Variants in GALNT2 observed in about 807,000 individuals in gnomAD.
The protein encoded by GALNT2 is UDP-GalNAc:polypeptide N-acetylgalactosaminyltransferase 2.
Under a neutral mutation model 81.4 loss-of-function variants are expected in GALNT2, and 31 were observed. That is an observed-to-expected ratio of 0.38 (90% confidence interval 0.29 to 0.51). The LOEUF (loss-of-function observed/expected upper bound fraction) is 0.51, where lower values mean the gene tolerates loss of function less well. GALNT2 is among the 20% of genes least tolerant of loss of function. GALNT2 has a pLI of 0.87. For synonymous variants in GALNT2, 303 were observed against 287.4 expected (o/e 1.05, Z -0.55); for missense variants, 629 against 765.7 (o/e 0.82, Z 2.11).
Position 230,076,608 on chromosome 1 carries a change from A to G in GALNT2, c.126+9202A>G, listed in dbSNP as rs138145298. ...TTGGGGACAGTAAAATGGAGATGTGACTTCATGGCCAATCTCAGGGAGGCG... is the reference window on the plus strand; with the variant it reads ...TTGGGGACAGTAAAATGGAGATGTGGCTTCATGGCCAATCTCAGGGAGGCG... On this transcript the variant is annotated intron_variant, in intron 1 of 15. Coordinates refer to ENST00000366672, the MANE Select transcript of GALNT2 (RefSeq NM_004481.5). Among the ~76,000 whole-genome samples the G allele has an allele frequency of 5.1e-3, 778 of 152,212 alleles. 11 individuals carry two copies. Among genetic ancestry groups the G allele is most frequent in the African/African-American group, 0.018 (731 of 41,508 alleles).
chr1:230,142,389 C>G (rs1661772889), intron 1 of GALNT2, among the ~76,000 whole-genome samples: 1 of 152,096 alleles, frequency 6.6e-6, no homozygotes, highest in Non-Finnish European at 1.5e-5. Flanking sequence ...CTCACTGTGC[C>G]CCCCATGCTC....
At chr1:230,192,953 C>T (rs1354929606) in intron 2 of GALNT2, among the ~76,000 whole-genome samples, 1 of 152,148 alleles carries the variant, frequency 6.6e-6, no homozygotes, top group South Asian at 2.1e-4. Flanking sequence ...TGTTTGTAAT[C>T]CTGGCCTTGT....
At position 230,178,130 on chromosome 1, in the gene GALNT2, C is replaced by T. The variant is rs547872017; in HGVS notation, c.127-88C>T. The T allele has an allele frequency of 7.7e-4, 791 of 1,029,122 alleles. 6 individuals carry two copies. In the South Asian group the frequency reaches 7.9e-3, roughly 10 times the overall value. The allele number at this position is 1,029,122 out of a possible 1,614,324, so 63.7% of individuals were successfully genotyped here. A position where few individuals can be genotyped will look rare whatever the true frequency, so the allele number is the denominator to read the frequency against. On this transcript the variant is annotated intron_variant, in intron 1 of 15. Transcript: ENST00000366672. The stretch of plus-strand genomic sequence containing the variant: ...GTGCATCCCCAGGGCCAAGTGTTAA[C>T]TCTCCTAAGACTCGGTATGTATTGA...
Position 230,280,182 on chromosome 1 carries a change from G to T in GALNT2, c.*724G>T. On this transcript the variant is annotated 3_prime_UTR_variant, in exon 16 of 16. Coordinates refer to ENST00000366672, the MANE Select transcript of GALNT2 (RefSeq NM_004481.5). ...GGGAGAAGGGGCCAGAGCCCGGTGG[G>T]GCCAGTTTCTCACAGAGGGAGGAGG... 2.8e-6 allele frequency: 1 copy of T among 361,528 alleles called. No homozygotes were observed. Among genetic ancestry groups the T allele is most frequent in the South Asian group, 2.1e-5 (1 of 47,080 alleles). The allele number at this position is 361,528 out of a possible 1,614,324, so 22.4% of individuals were successfully genotyped here. A position where few individuals can be genotyped will look rare whatever the true frequency, so the allele number is the denominator to read the frequency against.
At chr1:230,114,931 A>C (rs1660801798) in intron 1 of GALNT2, among the ~76,000 whole-genome samples, 1 of 151,652 alleles carries the variant, frequency 6.6e-6, no homozygotes. Context: ...TTCCCTTCGC[A>C]AGAGTTATAG....
intron 3 of GALNT2, among the ~76,000 whole-genome samples, chr1:230,233,561 C>T (rs963600694): frequency 1.3e-5 from 2 of 152,012 alleles, no homozygotes; most frequent in South Asian, 2.1e-4. Context: ...TGCAATGATC[C>T]GAGATTGTGC....
In GALNT2 at chr1:230,280,195, C is replaced by T; in HGVS notation, c.*737C>T. 1 of 359,218 alleles carries T rather than the reference C, an allele frequency of 2.8e-6. No homozygotes were observed. The highest frequency in any genetic ancestry group is 3.5e-5 in the Admixed American group (1 of 28,666). 22.3% of individuals were successfully genotyped at this position (359,218 alleles called of 1,614,324 possible). On this transcript the variant is annotated 3_prime_UTR_variant, in exon 16 of 16. Transcript: ENST00000366672. ...AGAGCCCGGTGGGGCCAGTTTCTCACAGAGGGAGGAGGTGGCCTTTGTCCC... is the reference window on the plus strand; with the variant it reads ...AGAGCCCGGTGGGGCCAGTTTCTCATAGAGGGAGGAGGTGGCCTTTGTCCC...
chr1:230,169,831 T>G (rs1662736031), intron 1 of GALNT2, among the ~76,000 whole-genome samples: 1 of 152,216 alleles, frequency 6.6e-6, no homozygotes, highest in Admixed American at 6.5e-5. Context: ...ATAAAGCAGT[T>G]TGTGACTTTG....
At chr1:230,274,940 C>CAT (rs1238392680) in intron 15 of GALNT2, among the ~76,000 whole-genome samples, 1 of 149,564 alleles carries the variant, frequency 6.7e-6, no homozygotes. Flanking sequence ...TATATGTGAG[C>CAT]ATATATATAC....
chr1:230,140,262 A>G (rs1223323192), intron 1 of GALNT2, among the ~76,000 whole-genome samples: 1 of 152,114 alleles, frequency 6.6e-6, no homozygotes, highest in East Asian at 1.9e-4. Flanking sequence ...GTTTGGAGAC[A>G]GGTGATGGTT....
chr1:230,166,322 C>T (rs1295199869), intron 1 of GALNT2, among the ~76,000 whole-genome samples: 2 of 152,206 alleles, frequency 1.3e-5, no homozygotes, highest in East Asian at 3.8e-4. Context: ...TCAGGCACTC[C>T]TCCCCGCAGC....
rs558151377 is a variant in GALNT2, at chr1:230,246,570, G to T, written c.817+420G>T. On this transcript the variant is annotated intron_variant, in intron 8 of 15. Transcript: ENST00000366672. The stretch of plus-strand genomic sequence containing the variant: ...ACCCTGGCTATTTCTCTGACAGCCT[G>T]GTCTCTTTCTGGTTGCTCAGATGGA... 2.6e-5 allele frequency among the ~76,000 whole-genome samples: 4 copies of T among 152,258 alleles called. No individual in the cohort carries two copies. In the East Asian group the frequency reaches 7.7e-4, roughly 29 times the overall value.
At chr1:230,116,369 G>C (rs1660847256) in intron 1 of GALNT2, among the ~76,000 whole-genome samples, 1 of 151,978 alleles carries the variant, frequency 6.6e-6, no homozygotes, top group Non-Finnish European at 1.5e-5. Context: ...AGCTGGGATT[G>C]CAGGCACACA....
At chr1:230,147,060 A>G (rs1448181182) in intron 1 of GALNT2, among the ~76,000 whole-genome samples, 1 of 151,606 alleles carries the variant, frequency 6.6e-6, no homozygotes, top group Non-Finnish European at 1.5e-5. Context: ...ATTGGGAAGG[A>G]GGGGCCAGAG....
chr1:230,200,733 C>G (rs2102705132), intron 2 of GALNT2, among the ~76,000 whole-genome samples: 1 of 152,308 alleles, frequency 6.6e-6, no homozygotes, highest in East Asian at 1.9e-4. Flanking sequence ...TTTGCTGTCC[C>G]CAGCACGCCG....
At chr1:230,183,508 C>T (rs780913592) in intron 2 of GALNT2, among the ~76,000 whole-genome samples, 20 of 152,106 alleles carry the variant, frequency 1.3e-4, no homozygotes, top group Admixed American at 3.3e-4. Context: ...AGGTAGTGCA[C>T]GTATCTTATA....
intron 1 of GALNT2, among the ~76,000 whole-genome samples, chr1:230,154,670 AGTG>A (rs1384561323): frequency 1.3e-5 from 2 of 152,168 alleles, no homozygotes; most frequent in Admixed American, 6.5e-5. Flanking sequence ...GAGGGAAGAC[AGTG>A]ACAAGAGAAT....
Position 230,150,186 on chromosome 1 carries a change from G to A in GALNT2, c.127-28032G>A, listed in dbSNP as rs116563028. Among the ~76,000 whole-genome samples, 1,106 of 152,318 alleles carry A rather than the reference G, an allele frequency of 7.3e-3. 10 individuals are homozygous for A. The highest frequency in any genetic ancestry group is 0.026 in the African/African-American group (1,062 of 41,570). ...ATGCACTGGCTCCGCCCTGGGGCCA[G>A]GAGAGCCATCGCCTGCTTGGTGACT... On this transcript the variant is annotated intron_variant, in intron 1 of 15. Coordinates refer to ENST00000366672, the MANE Select transcript of GALNT2 (RefSeq NM_004481.5).
chr1:230,222,744 C>T (rs187771205), intron 3 of GALNT2, among the ~76,000 whole-genome samples: 2 of 152,182 alleles, frequency 1.3e-5, no homozygotes, highest in South Asian at 2.1e-4. Flanking sequence ...TTGAGATTTT[C>T]GTTCCAGGTG....
Sources: gnomAD v4.1 joint callset for allele counts (sites outside exome capture counted in the v4.1 genomes callset) on GRCh38, gnomAD v4.1.1 for gene constraint, MANE v1.5 for transcripts, NCBI Gene and HGNC (gene_info 2026-07-23, HGNC 2026-07-21) for gene names.